GLO1: variants seen among roughly 807,000 people sequenced by gnomAD.
The protein encoded by GLO1 is glyoxalase I, also known as lactoylglutathione lyase.
A neutral mutation model predicts 26.0 loss-of-function variants in GLO1; 28 were observed. The observed-to-expected ratio is 1.08, with a 90% CI of 0.80 to 1.48. The LOEUF (loss-of-function observed/expected upper bound fraction) is 1.48, where lower values mean the gene tolerates loss of function less well. GLO1 is among the 40% of genes most tolerant of loss of function. GLO1 has a pLI of 0.00. For missense variants in GLO1, 225 were observed against 224.8 expected, an observed-to-expected ratio of 1.00 and a Z score of -0.01; for synonymous variants, 78 against 77.6, an observed-to-expected ratio of 1.00 and a Z score of -0.03.
intron 1 of GLO1, among the ~76,000 whole-genome samples, chr6:38,698,657 C>CCT (rs1761645669): frequency 1.8e-5 from 2 of 110,016 alleles, no homozygotes; most frequent in Non-Finnish European, 3.5e-5. Context: ...AGAACCTGAC[C>CCT]TTTTTTTTTT....
In GLO1 at chr6:38,703,013, C is replaced by A. The variant is rs757622327; in HGVS notation, c.42G>T (p.Glu14Asp). The A allele has an allele frequency of 4.1e-5, 65 of 1,599,708 alleles. No individual in the cohort carries two copies. In the Middle Eastern group the frequency reaches 5.0e-4, roughly 12 times the overall value. Residue 14 changes from glutamate (E) to aspartate (D), a missense_variant, in exon 1 of 6, where the codon GAG becomes GAT. Glu to Asp is a conservative substitution (Grantham distance 45). Coordinates refer to ENST00000373365, the MANE Select transcript of GLO1 (RefSeq NM_006708.3). ...PQPPSGGLTD[E>D]AALSCCSDAD... ...CGTCGGAGCAGCAACTGAGGGCGGC[C>A]TCGTCCGTGAGGCCGCCGGACGGGG...
intron 1 of GLO1, among the ~76,000 whole-genome samples, chr6:38,693,815 A>G (rs1248695264): frequency 1.3e-5 from 2 of 151,874 alleles, no homozygotes; most frequent in African/African-American, 4.8e-5. Context: ...GGTTCACGCC[A>G]TTCTCCTGCT....
In GLO1 at chr6:38,676,985, T is replaced by G; in HGVS notation, c.*310A>C. Reference sequence around the variant, plus strand: ...TTAAAAATGATGATTCAAAGGCAGATTTGAAGGGAAGTAATATTTAGGTGG... The same window carrying G: ...TTAAAAATGATGATTCAAAGGCAGAGTTGAAGGGAAGTAATATTTAGGTGG... On this transcript the variant is annotated 3_prime_UTR_variant, in exon 6 of 6. Coordinates refer to ENST00000373365, the MANE Select transcript of GLO1 (RefSeq NM_006708.3). The G allele has an allele frequency of 4.2e-6, 1 of 237,782 alleles. No individual in the cohort carries two copies. The highest frequency in any genetic ancestry group is 8.0e-6 in the Non-Finnish European group (1 of 125,232). 14.7% of individuals were successfully genotyped at this position (237,782 alleles called of 1,614,324 possible).
At chr6:38,690,058 C>A (rs768714360) in intron 1 of GLO1, among the ~76,000 whole-genome samples, 2 of 152,020 alleles carry the variant, frequency 1.3e-5, no homozygotes, top group Non-Finnish European at 2.9e-5. Context: ...CTCTTGACCT[C>A]GTGATCCGCC....
intron 1 of GLO1, among the ~76,000 whole-genome samples, chr6:38,689,666 G>A (rs1426698216): frequency 2.0e-5 from 3 of 152,056 alleles, no homozygotes; most frequent in East Asian, 1.9e-4. Context: ...CATATTCTTG[G>A]CCAGGTGCAG....
At chr6:38,681,305 G>T (rs187745102) in intron 5 of GLO1, among the ~76,000 whole-genome samples, 1 of 152,136 alleles carries the variant, frequency 6.6e-6, no homozygotes, top group Admixed American at 6.5e-5. Context: ...CTCGTGATCC[G>T]CCCGCCTTGG....
chr6:38,682,151 A>G, intron 4 of GLO1, 50 bp from the exon 5 acceptor site: 6 of 994,252 alleles, frequency 6.0e-6, no homozygotes, highest in Non-Finnish European at 9.8e-6. Context: ...AAATAATTAT[A>G]ACAGGGTGTC....
At chr6:38,677,424 G>C in intron 5 of GLO1, 41 bp from the exon 6 acceptor site, 1 of 871,756 alleles carries the variant, frequency 1.1e-6, no homozygotes, top group South Asian at 1.4e-5. Context: ...GACTAAAAAA[G>C]AAAACACCAT....
intron 1 of GLO1, among the ~76,000 whole-genome samples, chr6:38,695,684 G>C (rs1426992182): frequency 6.6e-6 from 1 of 152,112 alleles, no homozygotes; most frequent in Non-Finnish European, 1.5e-5. Flanking sequence ...TGAAAATCTA[G>C]GCTCCCCACT....
In GLO1 at chr6:38,702,966, C is replaced by T; in HGVS notation, c.84+5G>A. 2.6e-6 allele frequency: 4 copies of T among 1,531,538 alleles called. No individual in the cohort carries two copies. Among genetic ancestry groups the T allele is most frequent in the South Asian group, 2.2e-5 (2 of 89,310 alleles). 94.9% of individuals were successfully genotyped at this position (1,531,538 alleles called of 1,614,324 possible). ...GGGAGCCGTTCCCTTCGGTCCTGTG[C>T]CCACCTTGGTACTGGGGTCCGCGTC... On this transcript the variant is annotated splice_donor_5th_base_variant and intron_variant, in intron 1 of 5. Transcript: ENST00000373365.
rs181306983 is a variant in GLO1 at position 38,682,278 on chromosome 6, G to A, written c.377-177C>T. 4.6e-5 allele frequency among the ~76,000 whole-genome samples: 7 copies of A among 152,224 alleles called. 1 individual carries two copies. The highest frequency in any genetic ancestry group is 2.1e-4 in the South Asian group (1 of 4,814). On this transcript the variant is annotated intron_variant, in intron 4 of 5. Coordinates refer to ENST00000373365, the MANE Select transcript of GLO1 (RefSeq NM_006708.3). ...TAAAGAACAAATATAGATCTAATGG[G>A]CTGGGTATAAGTAGTTAATTAGTTG...
At chr6:38,691,367 G>A (rs1761528383) in intron 1 of GLO1, among the ~76,000 whole-genome samples, 1 of 151,884 alleles carries the variant, frequency 6.6e-6, no homozygotes. Flanking sequence ...GAGTGCAGTG[G>A]CGCAATCTTG....
At chr6:38,688,744 G>A (rs1377355804) in intron 1 of GLO1, among the ~76,000 whole-genome samples, 2 of 152,208 alleles carry the variant, frequency 1.3e-5, no homozygotes, top group African/African-American at 2.4e-5. Flanking sequence ...GGAGGTGCAA[G>A]CAAGGACTAA....
At chr6:38,694,938 A>G (rs1761587549) in intron 1 of GLO1, among the ~76,000 whole-genome samples, 1 of 152,138 alleles carries the variant, frequency 6.6e-6, no homozygotes, top group African/African-American at 2.4e-5. Flanking sequence ...CTTTTGATGA[A>G]TATCTGCATG....
chr6:38,682,682 T>C, intron 4 of GLO1, 126 bp downstream of exon 4: 1 of 483,778 alleles, frequency 2.1e-6, no homozygotes, highest in Non-Finnish European at 3.7e-6. Context: ...AAAATAATCA[T>C]ATCTCTAATA....
At chr6:38,690,919 T>C (rs1761520150) in intron 1 of GLO1, among the ~76,000 whole-genome samples, 1 of 152,242 alleles carries the variant, frequency 6.6e-6, no homozygotes, top group Non-Finnish European at 1.5e-5. Context: ...TCCATGTGCC[T>C]CTTGTGAACA....
intron 5 of GLO1, among the ~76,000 whole-genome samples, chr6:38,680,606 A>T (rs1051565139): frequency 6.6e-6 from 1 of 152,194 alleles, no homozygotes; most frequent in African/African-American, 2.4e-5. Flanking sequence ...AGATGCTAAA[A>T]AGGCTGGGCA....
chr6:38,694,210 C>G (rs926869199), intron 1 of GLO1, among the ~76,000 whole-genome samples: 3 of 151,924 alleles, frequency 2.0e-5, no homozygotes, highest in African/African-American at 7.3e-5. Context: ...GCTTTAGGAC[C>G]CAGGGCATGG....
chr6:38,677,583 A>C (rs1761277386), intron 5 of GLO1, among the ~76,000 whole-genome samples, 200 bp from the exon 6 acceptor site: 1 of 152,044 alleles, frequency 6.6e-6, no homozygotes, highest in South Asian at 2.1e-4. Flanking sequence ...TTGCCTGGCT[A>C]ATTTTTTGAT....
Sources: gnomAD v4.1 joint callset for allele counts (sites outside exome capture counted in the v4.1 genomes callset) on GRCh38, gnomAD v4.1.1 for gene constraint, MANE v1.5 for transcripts, NCBI Gene and HGNC (gene_info 2026-07-23, HGNC 2026-07-21) for gene names.